AOPEP: variants seen among roughly 807,000 people sequenced by gnomAD.
AOPEP encodes the protein aminopeptidase O (putative), also known as aminopeptidase O.
In AOPEP, 77 loss-of-function variants were observed where a neutral mutation model predicts 98.1. That is an observed-to-expected ratio of 0.78 (90% CI 0.65 to 0.95). The LOEUF is 0.95. Among genes scored for constraint, AOPEP ranks in the 40% least tolerant of loss-of-function variants. The probability of loss-of-function intolerance (pLI) is 0.00; values close to 1 mark genes in which losing one functional copy is unlikely to be tolerated. For synonymous variants in AOPEP, 346 were observed against 365.3 expected, an observed-to-expected ratio of 0.95 and a Z score of 0.60; for missense variants, 1,024 against 1,024.7, an observed-to-expected ratio of 1.00 and a Z score of 0.01.
intron 3 of AOPEP, among the ~76,000 whole-genome samples, chr9:94,782,098 G>C (rs1843405683): frequency 6.6e-6 from 1 of 151,770 alleles, no homozygotes; most frequent in African/African-American, 2.4e-5. Context: ...GCTGAGGCAG[G>C]AGAATTGCTT....
intron 7 of AOPEP, among the ~76,000 whole-genome samples, chr9:94,950,970 A>T (rs559386976): frequency 6.6e-6 from 1 of 152,328 alleles, no homozygotes; most frequent in South Asian, 2.1e-4. Context: ...TTATGTATCA[A>T]ATATCACTGC....
chr9:94,751,910 T>G (rs1046371798), intron 1 of AOPEP, among the ~76,000 whole-genome samples: 1 of 148,664 alleles, frequency 6.7e-6, no homozygotes, highest in Non-Finnish European at 1.5e-5. Context: ...TTTTTTTTTT[T>G]GAGAAAGGGT....
Position 95,073,238 on chromosome 9 carries a change from GGCCCTC to G in AOPEP, c.2233-7455_2233-7450del, listed in dbSNP as rs1370612593. Among the ~76,000 whole-genome samples the G allele has an allele frequency of 2.0e-5, 3 of 152,182 alleles. No individual in the cohort carries two copies. The East Asian group carries it at 5.8e-4, about 29-fold the overall frequency. On this transcript the variant is annotated intron_variant, in intron 14 of 16. Coordinates refer to ENST00000375315, the MANE Select transcript of AOPEP (RefSeq NM_001193329.3). ...CCTCATGCCAGCCCAGCCTGTCTGT[GGCCCTC>G]CCTGCATGTTGACGCTCTTCTAACC...
chr9:94,860,597 C>T (rs1013152032), intron 5 of AOPEP, among the ~76,000 whole-genome samples: 13 of 151,950 alleles, frequency 8.6e-5, no homozygotes, highest in African/African-American at 3.1e-4. Flanking sequence ...TGGAGAGTTC[C>T]AAGATATGCT....
intron 13 of AOPEP, among the ~76,000 whole-genome samples, chr9:95,027,289 G>T (rs1036654822): frequency 6.6e-6 from 1 of 152,018 alleles, no homozygotes; most frequent in Non-Finnish European, 1.5e-5. Context: ...AAATAAAATA[G>T]AATAATAAAA....
chr9:94,866,822 T>G (rs573812425), intron 5 of AOPEP, among the ~76,000 whole-genome samples: 2 of 152,342 alleles, frequency 1.3e-5, no homozygotes, highest in Admixed American at 1.3e-4. Flanking sequence ...ATTGGATTTT[T>G]TAGACTGTTT....
intron 5 of AOPEP, among the ~76,000 whole-genome samples, chr9:94,813,938 A>C (rs1446024564): frequency 6.6e-6 from 1 of 152,340 alleles, no homozygotes; most frequent in East Asian, 1.9e-4. Flanking sequence ...ACAAGTTGGA[A>C]GATAAAGTAC....
Position 95,017,485 on chromosome 9 carries a change from C to A in AOPEP, c.2115+11869C>A, listed in dbSNP as rs147571492. On this transcript the variant is annotated intron_variant, in intron 13 of 16. Transcript: ENST00000375315. ...ATACAGTATTATATTCTTATGGGAC[C>A]ACCGTTGTGTATGTGACCCATCGTT... Among the ~76,000 whole-genome samples the A allele has an allele frequency of 1.6e-4, 25 of 152,250 alleles. No homozygotes were observed. The East Asian group carries it at 4.8e-3, about 29-fold the overall frequency.
intron 6 of AOPEP, among the ~76,000 whole-genome samples, chr9:94,927,158 T>C (rs1414802910): frequency 2.0e-5 from 3 of 152,140 alleles, no homozygotes; most frequent in Non-Finnish European, 4.4e-5. Flanking sequence ...ATATGGCCTT[T>C]CCTCTGTGCA....
the AOPEP span, chr9:95,114,754 T>G: frequency 2.5e-6 from 4 of 1,573,438 alleles, no homozygotes; most frequent in South Asian, 2.2e-5. Context: ...TGAGGAAATG[T>G]CAAGCCCATG....
chr9:95,112,245 C>T, the AOPEP span, among the ~76,000 whole-genome samples: 1 of 152,192 alleles, frequency 6.6e-6, no homozygotes, highest in African/African-American at 2.4e-5. Context: ...TGTGCAGTGC[C>T]GGTCTCAGCA....
At chr9:95,118,934 G>A in the AOPEP span, among the ~76,000 whole-genome samples, 1 of 152,172 alleles carries the variant, frequency 6.6e-6, no homozygotes, top group Non-Finnish European at 1.5e-5. Context: ...GGATGCCATC[G>A]GAATGGAACT....
chr9:95,024,101 G>T (rs1444875182), intron 13 of AOPEP, among the ~76,000 whole-genome samples: 2 of 152,160 alleles, frequency 1.3e-5, no homozygotes, highest in Non-Finnish European at 1.5e-5. Context: ...TATGGGAAAA[G>T]AAATTATGGT....
At position 94,972,150 on chromosome 9, in the gene AOPEP, G is replaced by C. The variant is rs969169341; in HGVS notation, c.1916+4349G>C. Among the ~76,000 whole-genome samples, 1 of 152,136 alleles carries C rather than the reference G, an allele frequency of 6.6e-6. No homozygotes were observed. The highest frequency in any genetic ancestry group is 1.5e-5 in the Non-Finnish European group (1 of 68,038). ...GGTGGTGGGTTTGAGAGTAAATAACGGCCAAGGCATACTTTAGAGTTGCCA... is the reference window on the plus strand; with the variant it reads ...GGTGGTGGGTTTGAGAGTAAATAACCGCCAAGGCATACTTTAGAGTTGCCA... On this transcript the variant is annotated intron_variant, in intron 10 of 16. Coordinates refer to ENST00000375315, the MANE Select transcript of AOPEP (RefSeq NM_001193329.3). The surrounding 1 kb of genome is among the most constrained non-coding windows in gnomAD (Gnocchi z 4.2).
intron 3 of AOPEP, among the ~76,000 whole-genome samples, chr9:94,779,830 A>G (rs1842901024): frequency 6.6e-6 from 1 of 152,066 alleles, no homozygotes; most frequent in South Asian, 2.1e-4. Context: ...CCAGTTCTCC[A>G]CCACTTGTCT....
chr9:95,135,517 T>G, the AOPEP span: 43 of 1,612,302 alleles, frequency 2.7e-5, no homozygotes, highest in Admixed American at 2.0e-4. Flanking sequence ...CAGAAAGAAA[T>G]AAACAAAATT....
intron 5 of AOPEP, among the ~76,000 whole-genome samples, chr9:94,871,238 A>G (rs942494880): frequency 1.3e-5 from 2 of 152,182 alleles, no homozygotes; most frequent in Admixed American, 6.5e-5. Flanking sequence ...TCTTAACCAC[A>G]GGCACAGGTA....
chr9:94,822,621 C>T (rs1159194554), intron 5 of AOPEP, among the ~76,000 whole-genome samples: 2 of 152,270 alleles, frequency 1.3e-5, no homozygotes, highest in Non-Finnish European at 2.9e-5. Flanking sequence ...CTTTAGTCAT[C>T]TCAGTTGCTT....
chr9:94,872,511 C>T (rs76773188), intron 5 of AOPEP, among the ~76,000 whole-genome samples: 1,666 of 152,280 alleles, frequency 0.011, 34 homozygotes, highest in African/African-American at 0.039. Context: ...AGCAGACATG[C>T]CTCTTTAAGG....
Sources: allele counts gnomAD v4.1 joint callset (sites outside exome capture counted in the v4.1 genomes callset), GRCh38; gene constraint gnomAD v4.1.1; non-coding constraint Gnocchi (gnomAD v3.1); transcripts MANE v1.5; gene names NCBI Gene and HGNC (gene_info 2026-07-23, HGNC 2026-07-21).